The following ARHGEF2 variants were observed in gnomAD, a reference collection of about 807,000 sequenced individuals.
ARHGEF2 encodes Rho/Rac guanine nucleotide exchange factor 2, also known as rho guanine nucleotide exchange factor 2.
In ARHGEF2, 22 loss-of-function variants were observed where a neutral mutation model predicts 121.0. The ratio of observed to expected loss-of-function variants is 0.18; its 90% CI spans 0.13 to 0.26. The LOEUF (loss-of-function observed/expected upper bound fraction) is 0.26, where lower values mean the gene tolerates loss of function less well. Among genes scored for constraint, ARHGEF2 ranks in the 10% least tolerant of loss-of-function variants. The pLI is 1.00. For missense variants in ARHGEF2, 907 were observed against 1,336.0 expected, an observed-to-expected ratio of 0.68 and a Z score of 5.01; for synonymous variants, 487 against 530.0, an observed-to-expected ratio of 0.92 and a Z score of 1.11.
At chr1:155,978,618 T>C, upstream of ARHGEF2, 1 of 1,244,166 alleles carries the variant, frequency 8.0e-7, no homozygotes, top group Non-Finnish European at 1.0e-6. The surrounding 1 kb of genome is among the most constrained non-coding windows in gnomAD (Gnocchi z 4.1). Context: ...AGGAAGGGGG[T>C]AGGCGGAGCG....
chr1:155,971,217 G>T (rs559533223), intron 1 of ARHGEF2, among the ~76,000 whole-genome samples: 3 of 152,146 alleles, frequency 2.0e-5, no homozygotes, highest in African/African-American at 7.2e-5. Context: ...TACCTACCCG[G>T]ACCACTAGAA....
intron 1 of ARHGEF2, among the ~76,000 whole-genome samples, chr1:155,976,099 G>A (rs1041974808): frequency 1.3e-5 from 2 of 151,876 alleles, no homozygotes; most frequent in African/African-American, 4.8e-5. Context: ...CAGGGAATGA[G>A]GCAAGGAATG....
Position 155,962,127 on chromosome 1 carries a change from G to A in ARHGEF2, c.1197C>T (p.Ser399=). 6.2e-7 allele frequency: 1 copy of A among 1,614,236 alleles called. No homozygotes were observed. Among genetic ancestry groups the A allele is most frequent in the Non-Finnish European group, 8.5e-7 (1 of 1,180,052 alleles). ...CACCGTGGGAATGCTGCAGGATGCGGCTGATGAGTAACGGGTACTTGGTGA... is the reference window on the plus strand; with the variant it reads ...CACCGTGGGAATGCTGCAGGATGCGACTGATGAGTAACGGGTACTTGGTGA... The part of the protein sequence containing the change: ...QRITKYPLLI[S]RILQHSHGIE... Residue 399 remains serine, a synonymous_variant, in exon 10 of 22, where the codon AGC becomes AGT. Coordinates refer to ENST00000361247, the MANE Select transcript of ARHGEF2 (RefSeq NM_001162383.2). This position sits in a 1 kb window ranked among gnomAD's most constrained non-coding sequence, Gnocchi z 5.8.
chr1:155,964,155 A>G, intron 7 of ARHGEF2, among the ~76,000 whole-genome samples: 1 of 36,402 alleles, frequency 2.7e-5, no homozygotes, highest in Non-Finnish European at 5.7e-5. Context: ...AAAAAAAAAA[A>G]AAAAAAAAAA....
At chr1:155,974,168 G>A (rs1449602944) in intron 1 of ARHGEF2, among the ~76,000 whole-genome samples, 3 of 152,096 alleles carry the variant, frequency 2.0e-5, no homozygotes, top group African/African-American at 2.4e-5. Context: ...TTACAGGTGC[G>A]AGCCACTGTG....
Position 155,958,370 on chromosome 1 carries a change from C to T in ARHGEF2, c.1495G>A (p.Val499Ile), listed in dbSNP as rs1371526262. ...TCCTTTTCCTGGAGAAACACCAGTA[C>T]ATCTGTCATCAGCAGCACTAGCACA... ...KDVLVLLMTDVLVFLQEKDQK... is the reference protein window; with the variant it reads ...KDVLVLLMTDILVFLQEKDQK... Residue 499 changes from valine (V) to isoleucine (I), a missense_variant, in exon 12 of 22, where the codon GTA becomes ATA. Physicochemically the swap from Val to Ile is conservative, Grantham distance 29 (BLOSUM62 3). Around this residue, in one of 2 missense-constraint regions of ARHGEF2, gnomAD observed 475 missense variants for 776.5 expected, o/e 0.61. Coordinates refer to ENST00000361247, the MANE Select transcript of ARHGEF2 (RefSeq NM_001162383.2). 5.6e-6 allele frequency: 9 copies of T among 1,613,886 alleles called. No individual in the cohort carries two copies. The highest frequency in any genetic ancestry group is 7.6e-6 in the Non-Finnish European group (9 of 1,179,878).
At chr1:155,973,470 G>C (rs926846874) in intron 1 of ARHGEF2, among the ~76,000 whole-genome samples, 1 of 152,228 alleles carries the variant, frequency 6.6e-6, no homozygotes, top group Non-Finnish European at 1.5e-5. Context: ...GCCAGGCCGA[G>C]CGCAGTGGCT....
At position 155,964,167 on chromosome 1, in the gene ARHGEF2, A is replaced by AATAT. The variant is rs869033599; in HGVS notation, c.724+817_724+820dup. ...TTCAAAAAAAAAAAAAAAAAAAAAA[A>AATAT]ATATATATATATATATATATATATA... On this transcript the variant is annotated intron_variant, in intron 7 of 21. Coordinates refer to ENST00000361247, the MANE Select transcript of ARHGEF2 (RefSeq NM_001162383.2). Among the ~76,000 whole-genome samples the AATAT allele has an allele frequency of 3.8e-3, 350 of 91,152 alleles. 18 individuals are homozygous for AATAT. Among genetic ancestry groups the AATAT allele is most frequent in the African/African-American group, 0.02 (328 of 16,464 alleles). The allele number at this position is 91,152 out of a possible 152,430, so 59.8% of individuals were successfully genotyped here. A position where few individuals can be genotyped will look rare whatever the true frequency, so the allele number is the denominator to read the frequency against.
intron 21 of ARHGEF2, among the ~76,000 whole-genome samples, chr1:155,948,473 TG>T (rs1193091600): frequency 2.0e-5 from 3 of 150,432 alleles, no homozygotes; most frequent in South Asian, 2.1e-4. Flanking sequence ...CTACTAAAAA[TG>T]CCAAAAATTA....
rs1368813423 is a variant in ARHGEF2 at position 155,947,317 on chromosome 1, T to C, written c.*625A>G. Reference sequence around the variant, plus strand: ...TTTTTCCCTCACCCCCAACAAACCATTATGGCCACCCCAACCTTTATTCCA... The same window carrying C: ...TTTTTCCCTCACCCCCAACAAACCACTATGGCCACCCCAACCTTTATTCCA... On this transcript the variant is annotated 3_prime_UTR_variant, in exon 22 of 22. Transcript: ENST00000361247. The C allele has an allele frequency of 2.0e-5, 9 of 456,034 alleles. No individual in the cohort carries two copies. Among genetic ancestry groups the C allele is most frequent in the Non-Finnish European group, 4.4e-6 (1 of 226,596 alleles). The allele number at this position is 456,034 out of a possible 1,614,324, so 28.2% of individuals were successfully genotyped here. A position where few individuals can be genotyped will look rare whatever the true frequency, so the allele number is the denominator to read the frequency against.
In ARHGEF2 at chr1:155,947,892, C is replaced by A; in HGVS notation, c.*50G>T. ...CAAATTGGAGTCCCCAAGGTTAGCC[C>A]CCTCAGTAATGTTCTTCAGTGGGGC... On this transcript the variant is annotated 3_prime_UTR_variant, in exon 22 of 22. Transcript: ENST00000361247. 1.7e-6 allele frequency: 2 copies of A among 1,180,570 alleles called. No individual in the cohort carries two copies. The highest frequency in any genetic ancestry group is 2.8e-5 in the South Asian group (2 of 72,426). The allele number at this position is 1,180,570 out of a possible 1,614,324, so 73.1% of individuals were successfully genotyped here. A position where few individuals can be genotyped will look rare whatever the true frequency, so the allele number is the denominator to read the frequency against.
chr1:155,947,217 T>G lies in ARHGEF2; in HGVS notation c.*725A>C. On this transcript the variant is annotated 3_prime_UTR_variant, in exon 22 of 22. Transcript: ENST00000361247. ...CTAATTGCCTACGATCTCTTAAAAA[T>G]ATAAAACACGTGCAGTTGACTTTGG... 1 of 379,324 alleles carries G rather than the reference T, an allele frequency of 2.6e-6. No individual in the cohort carries two copies. 23.5% of individuals were successfully genotyped at this position (379,324 alleles called of 1,614,324 possible). A position where few individuals can be genotyped will look rare whatever the true frequency, so the allele number is the denominator to read the frequency against.
Position 155,954,948 on chromosome 1 carries a change from G to C in ARHGEF2, c.1737C>G (p.Phe579Leu), listed in dbSNP as rs1409771770. 6.2e-7 allele frequency: 1 copy of C among 1,611,428 alleles called. No individual in the cohort carries two copies. The highest frequency in any genetic ancestry group is 8.5e-7 in the Non-Finnish European group (1 of 1,178,938). The change falls in exon 14 of 22, where the codon TTC becomes TTG. Residue 579 changes from phenylalanine to leucine, a missense_variant. Phe to Leu is a conservative substitution (Grantham distance 22). Transcript: ENST00000361247. ...CCTCATCCTCTGTCTCAATCAGGGG[G>C]AAGTCCTCCCTGGATGGGCATCTGG... ...SVRTCPSREDFPLIETEDEAY... is the reference protein window; with the variant it reads ...SVRTCPSREDLPLIETEDEAY...
At chr1:155,972,697 CT>C (rs1312836575) in intron 1 of ARHGEF2, among the ~76,000 whole-genome samples, 13 of 147,998 alleles carry the variant, frequency 8.8e-5, no homozygotes, top group Admixed American at 2.0e-4. Flanking sequence ...CATCTAGATA[CT>C]TTTTTTTTTC....
Position 155,969,092 on chromosome 1 carries a change from A to G in ARHGEF2, c.208+64T>C, listed in dbSNP as rs562547719. ...CCTCATGGATCCAGGCAGAAAAAAC[A>G]GATGAAAAGATCAGGGTCAGTGGGC... On this transcript the variant is annotated intron_variant, in intron 2 of 21. Transcript: ENST00000361247. 4 of 1,588,832 alleles carry G rather than the reference A, an allele frequency of 2.5e-6. No homozygotes were observed. In the African/African-American group the frequency reaches 5.4e-5, roughly 21 times the overall value.
In ARHGEF2 at chr1:155,966,549, G is replaced by A. The variant is rs910041068; in HGVS notation, c.277-70C>T. 89 of 1,561,258 alleles carry A rather than the reference G, an allele frequency of 5.7e-5. No homozygotes were observed. In the South Asian group the frequency reaches 9.9e-4, roughly 17 times the overall value. The stretch of plus-strand genomic sequence containing the variant: ...CCCAAGGATCACCCCCAGAGGCATG[G>A]GACAGGAGCTAGGTGGCCGGCCCCC... On this transcript the variant is annotated intron_variant, in intron 3 of 21. Transcript: ENST00000361247.
At chr1:155,964,163 AAAAAATAT>A (rs1263952935) in intron 7 of ARHGEF2, among the ~76,000 whole-genome samples, 1 of 85,480 alleles carries the variant, frequency 1.2e-5, no homozygotes, top group African/African-American at 5.9e-5. Context: ...AAAAAAAAAA[AAAAAATAT>A]ATATATATAT....
Position 155,965,617 on chromosome 1 carries a change from A to C in ARHGEF2, c.470+14T>G, listed in dbSNP as rs1679222057. ...ACACTCTCTGGCTGCCCCTTTCCCCAAACAGAGGCTCACCCAGCAATGTTG... is the reference window on the plus strand; with the variant it reads ...ACACTCTCTGGCTGCCCCTTTCCCCCAACAGAGGCTCACCCAGCAATGTTG... On this transcript the variant is annotated intron_variant, in intron 5 of 21. Transcript: ENST00000361247. This position sits in a 1 kb window ranked among gnomAD's most constrained non-coding sequence, Gnocchi z 6.0. 6.2e-7 allele frequency: 1 copy of C among 1,612,422 alleles called. No individual in the cohort carries two copies. The highest frequency in any genetic ancestry group is 1.3e-5 in the African/African-American group (1 of 74,888).
chr1:155,964,892 CAAAAA>C (rs11295795), intron 7 of ARHGEF2, 91 bp downstream of exon 7: 314 of 1,118,944 alleles, frequency 2.8e-4, no homozygotes, highest in East Asian at 9.1e-4. Context: ...GACTCCATCT[CAAAAA>C]AAAAAAAAAA....
Sources: allele counts gnomAD v4.1 joint callset (sites outside exome capture counted in the v4.1 genomes callset), GRCh38; gene constraint gnomAD v4.1.1; regional missense constraint gnomAD v4.1.1; non-coding constraint Gnocchi (gnomAD v3.1); transcripts MANE v1.5; gene names NCBI Gene and HGNC (gene_info 2026-07-23, HGNC 2026-07-21).